The following KCND2 variants were observed in gnomAD, a reference collection of about 807,000 sequenced individuals.
KCND2 encodes A-type voltage-gated potassium channel KCND2.
KCND2 carries 16 observed loss-of-function variants against 54.4 expected under a neutral mutation model. The ratio of observed to expected loss-of-function variants is 0.29; its 90% CI spans 0.20 to 0.45. The LOEUF is 0.45. Among genes scored for constraint, KCND2 ranks in the 20% least tolerant of loss-of-function variants. The probability of loss-of-function intolerance (pLI) is 1.00; values close to 1 mark genes in which losing one functional copy is unlikely to be tolerated. For missense variants in KCND2, 486 were observed against 824.2 expected, an observed-to-expected ratio of 0.59 and a Z score of 5.02; for synonymous variants, 317 against 310.7, an observed-to-expected ratio of 1.02 and a Z score of -0.21.
chr7:120,479,710 C>T (rs1802575674), intron 1 of KCND2, among the ~76,000 whole-genome samples: 1 of 147,826 alleles, frequency 6.8e-6, no homozygotes, highest in Admixed American at 6.9e-5. Context: ...GGGCTGATCA[C>T]TTGAGGCCGG....
intron 1 of KCND2, among the ~76,000 whole-genome samples, chr7:120,481,050 G>T (rs1253559664): frequency 6.6e-6 from 1 of 152,190 alleles, no homozygotes; most frequent in Non-Finnish European, 1.5e-5. Context: ...TTACTTAAGT[G>T]GTTGTGAACA....
chr7:120,677,516 AAT>A (rs528603766), intron 1 of KCND2, among the ~76,000 whole-genome samples: 416 of 129,624 alleles, frequency 3.2e-3, no homozygotes, highest in East Asian at 0.025. Context: ...TAAGAATTCA[AAT>A]ATATATATAT....
In KCND2 at chr7:120,651,399, G is replaced by A. The variant is rs918887403; in HGVS notation, c.1116-81504G>A. On this transcript the variant is annotated intron_variant, in intron 1 of 5. Coordinates refer to ENST00000331113, the MANE Select transcript of KCND2 (RefSeq NM_012281.3). ...CAGCAATGAGTGAGGCTCCATGGGC[G>A]TGGGACTCTCCCAGCCATGCACGGG... 4.6e-5 allele frequency among the ~76,000 whole-genome samples: 7 copies of A among 152,270 alleles called. No homozygotes were observed. In the East Asian group the frequency reaches 5.8e-4, roughly 13 times the overall value.
chr7:120,431,363 A>C (rs1472717297), intron 1 of KCND2, among the ~76,000 whole-genome samples: 1 of 152,194 alleles, frequency 6.6e-6, no homozygotes. Flanking sequence ...AAGGGAAAAC[A>C]CCTTTTCATG....
chr7:120,531,480 A>G (rs1194584287), intron 1 of KCND2, among the ~76,000 whole-genome samples: 1 of 152,090 alleles, frequency 6.6e-6, no homozygotes. Context: ...TTATCAGCAT[A>G]AAAACTTTCT....
chr7:120,735,498 T>G (rs548123535), intron 2 of KCND2, among the ~76,000 whole-genome samples: 108 of 152,184 alleles, frequency 7.1e-4, no homozygotes, highest in African/African-American at 2.6e-3. Flanking sequence ...AAATTTCCGA[T>G]AAACCAATTT....
chr7:120,518,775 C>T (rs1003116035), intron 1 of KCND2, among the ~76,000 whole-genome samples: 3 of 152,038 alleles, frequency 2.0e-5, no homozygotes, highest in African/African-American at 7.2e-5. Flanking sequence ...CTTTAATACC[C>T]GGAACTTGTG....
At chr7:120,709,227 A>C (rs1003475501) in intron 1 of KCND2, among the ~76,000 whole-genome samples, 3 of 152,052 alleles carry the variant, frequency 2.0e-5, no homozygotes, top group African/African-American at 7.2e-5. Context: ...TTTATTTGCT[A>C]TTTACTGTGG....
At chr7:120,567,905 C>A (rs1223889272) in intron 1 of KCND2, among the ~76,000 whole-genome samples, 1 of 152,034 alleles carries the variant, frequency 6.6e-6, no homozygotes, top group Non-Finnish European at 1.5e-5. Context: ...ACAATTCTTT[C>A]ATCTTTCTCT....
rs1190979122 is a variant in KCND2, at chr7:120,273,412, C to CGCCCCGCA, written c.-1213_-1206dup. Among the ~76,000 whole-genome samples the CGCCCCGCA allele has an allele frequency of 1.0e-4, 15 of 147,668 alleles. No individual in the cohort carries two copies. Among genetic ancestry groups the CGCCCCGCA allele is most frequent in the African/African-American group, 3.2e-4 (13 of 41,036 alleles). ...ACCGCGCCAACGCCGCCCGCCCGGC[C>CGCCCCGCA]GCCCCGCAGCCCCGCCGCCCCGCAG... On this transcript the variant is annotated 5_prime_UTR_variant, in exon 1 of 6. It removes the in-frame stop codon of an upstream open reading frame in the 5' UTR. Coordinates refer to ENST00000331113, the MANE Select transcript of KCND2 (RefSeq NM_012281.3).
chr7:120,315,670 A>C (rs1205013291), intron 1 of KCND2, among the ~76,000 whole-genome samples: 2 of 152,040 alleles, frequency 1.3e-5, no homozygotes, highest in Non-Finnish European at 2.9e-5. Context: ...CCCCTCTATC[A>C]GCATACTGTA....
In KCND2 at chr7:120,388,987, C is replaced by G. The variant is rs12706283; in HGVS notation, c.1115+113240C>G. Among the ~76,000 whole-genome samples, 4 of 151,430 alleles carry G rather than the reference C, an allele frequency of 2.6e-5. No individual in the cohort carries two copies. The South Asian group carries it at 8.3e-4, about 32-fold the overall frequency. On this transcript the variant is annotated intron_variant, in intron 1 of 5. Transcript: ENST00000331113. ...TGCATGTATAAATATTTTGATGCATCTACATTTTGTTGCCATGCTGGTCTA... is the reference window on the plus strand; with the variant it reads ...TGCATGTATAAATATTTTGATGCATGTACATTTTGTTGCCATGCTGGTCTA...
At position 120,585,979 on chromosome 7, in the gene KCND2, C is replaced by G. The variant is rs117498742; in HGVS notation, c.1116-146924C>G. ...GATTGATCCTTCAGCAGTCATATGG[C>G]TCAGTCCAGCTCAGTCAGTAAATCC... On this transcript the variant is annotated intron_variant, in intron 1 of 5. Transcript: ENST00000331113. Among the ~76,000 whole-genome samples, 96 of 152,262 alleles carry G rather than the reference C, an allele frequency of 6.3e-4. 1 individual carries two copies. The East Asian group carries it at 0.017, about 26-fold the overall frequency.
intron 1 of KCND2, among the ~76,000 whole-genome samples, chr7:120,345,679 T>C (rs1480041304): frequency 6.6e-6 from 1 of 152,200 alleles, no homozygotes; most frequent in Non-Finnish European, 1.5e-5. Flanking sequence ...TGTTGTAGCA[T>C]GTGTCAAAAT....
At chr7:120,314,003 T>C (rs937701828) in intron 1 of KCND2, among the ~76,000 whole-genome samples, 1 of 149,690 alleles carries the variant, frequency 6.7e-6, no homozygotes, top group Non-Finnish European at 1.5e-5. Context: ...TCAAAAAGAG[T>C]TCTATACTAG....
chr7:120,487,118 T>TC (rs1420539064), intron 1 of KCND2, among the ~76,000 whole-genome samples: 1 of 152,132 alleles, frequency 6.6e-6, no homozygotes, highest in Non-Finnish European at 1.5e-5. Flanking sequence ...CCTGCCTGGC[T>TC]CCCCCCAATG....
intron 1 of KCND2, among the ~76,000 whole-genome samples, chr7:120,712,403 A>C (rs1255956488): frequency 6.7e-6 from 1 of 150,362 alleles, no homozygotes; most frequent in African/African-American, 2.4e-5. Context: ...AGCTGGGATT[A>C]TAGGTGCCCG....
chr7:120,699,847 T>C lies in KCND2; in HGVS notation c.1116-33056T>C, dbSNP rs1052653857. ...CAACTGTCAATTTCAGGTAATAGAA[T>C]GTACAATTATGAGTCATCAGAAAAT... On this transcript the variant is annotated intron_variant, in intron 1 of 5. Transcript: ENST00000331113. Among the ~76,000 whole-genome samples, 6 of 152,314 alleles carry C rather than the reference T, an allele frequency of 3.9e-5. 1 individual carries two copies. The South Asian group carries it at 1.2e-3, about 32-fold the overall frequency.
intron 1 of KCND2, among the ~76,000 whole-genome samples, chr7:120,539,065 A>G (rs1791947070): frequency 1.4e-5 from 2 of 141,288 alleles, no homozygotes; most frequent in African/African-American, 6.2e-5. Context: ...ATATGTATCC[A>G]TTATATATGT....
Sources: gnomAD v4.1 joint callset for allele counts (sites outside exome capture counted in the v4.1 genomes callset) on GRCh38, gnomAD v4.1.1 for gene constraint, MANE v1.5 for transcripts, NCBI Gene and HGNC (gene_info 2026-07-23, HGNC 2026-07-21) for gene names.